MYBPHL: variants seen among roughly 807,000 people sequenced by gnomAD.
MYBPHL encodes myosin-binding protein H-like.
In MYBPHL, 32 loss-of-function variants were observed where a neutral mutation model predicts 39.5. The ratio of observed to expected loss-of-function variants is 0.81; its 90% CI spans 0.61 to 1.09. The LOEUF is 1.09. Among genes scored for constraint, MYBPHL ranks in the 50% least tolerant of loss-of-function variants. The pLI, the probability that MYBPHL is intolerant of heterozygous loss-of-function variation, is 0.00. For synonymous variants in MYBPHL, 196 were observed against 183.7 expected (o/e 1.07, Z -0.54); for missense variants, 456 against 460.2 (o/e 0.99, Z 0.08).
chr1:109,305,234 C>T (rs984551814), intron 1 of MYBPHL, among the ~76,000 whole-genome samples: 7 of 152,212 alleles, frequency 4.6e-5, no homozygotes, highest in Admixed American at 3.9e-4. Context: ...AGTGGATTGA[C>T]TTGCCTAGGG....
At position 109,306,380 on chromosome 1, in the gene MYBPHL, G is replaced by A. The variant is rs112728780; in HGVS notation, c.145+467C>T. 7.9e-3 allele frequency among the ~76,000 whole-genome samples: 1,199 copies of A among 152,200 alleles called. 7 individuals carry two copies. The highest frequency in any genetic ancestry group is 0.013 in the South Asian group (61 of 4,824). On this transcript the variant is annotated intron_variant, in intron 1 of 8. Transcript: ENST00000357155. ...GGGGATTGGAGGAGGTCCTGACCCC[G>A]TGGTACTGCCCAGCAGGAGGCCGAG... is the stretch of plus-strand genomic sequence containing the variant.
Position 109,297,157 on chromosome 1 carries a change from C to T in MYBPHL, c.463G>A (p.Val155Met). 6.2e-7 allele frequency: 1 copy of T among 1,614,208 alleles called. No individual in the cohort carries two copies. The highest frequency in any genetic ancestry group is 8.5e-7 in the Non-Finnish European group (1 of 1,180,030). Residue 155 changes from valine (V) to methionine (M), a missense_variant, in exon 4 of 9, where the codon GTG becomes ATG. Val to Met is a conservative substitution (Grantham distance 21). Coordinates refer to ENST00000357155, the MANE Select transcript of MYBPHL (RefSeq NM_001010985.3). ...RPGPPQSIKL[V>M]DVWGFSATLE... The stretch of plus-strand genomic sequence containing the variant: ...GTAGCGCTGAAGCCCCAAACGTCCA[C>T]CAGCTTAATACTCTGAGGAGGGCCT...
rs755163694 is a variant in MYBPHL at position 109,297,557 on chromosome 1, C to G, written c.295G>C (p.Val99Leu). The change falls in exon 3 of 9, where the codon GTG (valine) becomes CTG (leucine). Residue 99 changes from valine to leucine, a missense_variant. Physicochemically the swap from Val to Leu is conservative, Grantham distance 32. Coordinates refer to ENST00000357155, the MANE Select transcript of MYBPHL (RefSeq NM_001010985.3). ...TCTTGCTCCCCATTCCGCACACTCA[C>G]ACGCCTGGTGTCCAAGGCACAGCCA... ...HDGCALDTRR[V>L]SVRNGEQDSI... 1 of 1,613,942 alleles carries G rather than the reference C, an allele frequency of 6.2e-7. No individual in the cohort carries two copies. The highest frequency in any genetic ancestry group is 1.7e-5 in the Admixed American group (1 of 60,022).
At chr1:109,295,692 T>C (rs1016797968) in intron 6 of MYBPHL, among the ~76,000 whole-genome samples, 2 of 152,246 alleles carry the variant, frequency 1.3e-5, no homozygotes, top group Non-Finnish European at 2.9e-5. Context: ...GAGTAGCTTC[T>C]AGAGTGGGCT....
chr1:109,296,949 G>C lies in MYBPHL; in HGVS notation c.571-7C>G. 1 of 1,614,026 alleles carries C rather than the reference G, an allele frequency of 6.2e-7. No individual in the cohort carries two copies. The highest frequency in any genetic ancestry group is 8.5e-7 in the Non-Finnish European group (1 of 1,179,948). On this transcript the variant is annotated splice_polypyrimidine_tract_variant and splice_region_variant and intron_variant, in intron 4 of 8. Coordinates refer to ENST00000357155, the MANE Select transcript of MYBPHL (RefSeq NM_001010985.3). ...CCAGCACCGTGAACCACAGCTGCGGGGCCGAACATGATGCCAGAAATCAGC... is the reference window on the plus strand; with the variant it reads ...CCAGCACCGTGAACCACAGCTGCGGCGCCGAACATGATGCCAGAAATCAGC...
At chr1:109,301,447 A>C (rs1658274552) in intron 1 of MYBPHL, among the ~76,000 whole-genome samples, 1 of 152,166 alleles carries the variant, frequency 6.6e-6, no homozygotes, top group South Asian at 2.1e-4. Context: ...ATTCTTAGAG[A>C]AAACTACTTC....
At chr1:109,296,139 GATGTT>G (rs1257102137) in intron 6 of MYBPHL, 90 bp downstream of exon 6, 66 of 1,448,196 alleles carry the variant, frequency 4.6e-5, no homozygotes, top group Non-Finnish European at 6.1e-5. Flanking sequence ...GATGGTAACA[GATGTT>G]ATGTTACAGT....
At chr1:109,301,895 C>T (rs543726645) in intron 1 of MYBPHL, among the ~76,000 whole-genome samples, 1 of 152,314 alleles carries the variant, frequency 6.6e-6, no homozygotes, top group Admixed American at 6.5e-5. Context: ...TCTCATAATT[C>T]CCTTTTATGG....
Position 109,298,178 on chromosome 1 carries a change from G to T in MYBPHL, c.225C>A (p.Ile75=). The change falls in exon 2 of 9, where the codon ATC becomes ATA. Residue 75 remains isoleucine (I), a synonymous_variant. Coordinates refer to ENST00000357155, the MANE Select transcript of MYBPHL (RefSeq NM_001010985.3). ...RKVGDTVNLL[I]PFQGKPKPQA... The stretch of plus-strand genomic sequence containing the variant: ...GGGCTGGCATGATCACCTGGAATGG[G>T]ATTAGTAGGTTCACTGTGTCCCCAA... The T allele has an allele frequency of 6.2e-7, 1 of 1,609,186 alleles. No individual in the cohort carries two copies. Among genetic ancestry groups the T allele is most frequent in the South Asian group, 1.1e-5 (1 of 90,064 alleles).
Position 109,298,218 on chromosome 1 carries a change from G to A in MYBPHL, c.185C>T (p.Thr62Ile), listed in dbSNP as rs1658157588. 1.2e-6 allele frequency: 2 copies of A among 1,610,300 alleles called. No homozygotes were observed. The highest frequency in any genetic ancestry group is 1.3e-5 in the African/African-American group (1 of 74,666). Residue 62 changes from threonine (T) to isoleucine (I), a missense_variant, in exon 2 of 9, where the codon ACC becomes ATC. Transcript: ENST00000357155. ...KIWLPRALRQ[T>I]YIRKVGDTVN... ...TGTGTCCCCAACCTTCCGGATGTAG[G>A]TCTGCCTCAGGGCCCGAGGTAGCCA...
rs552582608 is a variant in MYBPHL, at chr1:109,297,690, G to A, written c.235-73C>T. ...CTCTCCCTGCTGCTGTAGGGGTCCT[G>A]TCCACCCCAGGTCCACAGGGAGGCT... is the stretch of plus-strand genomic sequence containing the variant. On this transcript the variant is annotated intron_variant, in intron 2 of 8. Transcript: ENST00000357155. 7.2e-5 allele frequency: 98 copies of A among 1,364,182 alleles called. 1 individual carries two copies. In the South Asian group the frequency reaches 1.3e-3, roughly 18 times the overall value. 84.5% of individuals were successfully genotyped at this position (1,364,182 alleles called of 1,614,324 possible). A position where few individuals can be genotyped will look rare whatever the true frequency, so the allele number is the denominator to read the frequency against.
chr1:109,296,688 C>T (rs1162127517), intron 5 of MYBPHL, 95 bp downstream of exon 5: 5 of 1,460,580 alleles, frequency 3.4e-6, no homozygotes, highest in Middle Eastern at 1.8e-4. Context: ...ATCCGCCTGC[C>T]TTGGCCTCCC....
intron 1 of MYBPHL, among the ~76,000 whole-genome samples, chr1:109,298,928 T>C (rs1658184451): frequency 6.6e-6 from 1 of 152,194 alleles, no homozygotes; most frequent in African/African-American, 2.4e-5. Flanking sequence ...TCATTTCCCT[T>C]TGATCTCACA....
At chr1:109,296,150 A>G in intron 6 of MYBPHL, 84 bp downstream of exon 6, 1 of 1,527,490 alleles carries the variant, frequency 6.5e-7, no homozygotes, top group Non-Finnish European at 8.9e-7. Context: ...ATGTTATGTT[A>G]CAGTGCTCTG....
At chr1:109,298,626 C>T (rs1184635414) in intron 1 of MYBPHL, among the ~76,000 whole-genome samples, 2 of 152,088 alleles carry the variant, frequency 1.3e-5, no homozygotes, top group African/African-American at 2.4e-5. Context: ...TCTTTCCACC[C>T]TTTTCTACAT....
At chr1:109,297,694 A>G in intron 2 of MYBPHL, 77 bp from the exon 3 acceptor site, 1 of 1,339,828 alleles carries the variant, frequency 7.5e-7, no homozygotes, top group East Asian at 2.5e-5. Context: ...GGTCCTGTCC[A>G]CCCCAGGTCC....
intron 1 of MYBPHL, among the ~76,000 whole-genome samples, chr1:109,298,633 A>G (rs1658173799): frequency 6.6e-6 from 1 of 151,862 alleles, no homozygotes; most frequent in African/African-American, 2.4e-5. Context: ...ACCCTTTTCT[A>G]CATTTGTCCT....
chr1:109,304,418 T>C (rs1171450556), intron 1 of MYBPHL, among the ~76,000 whole-genome samples: 1 of 152,174 alleles, frequency 6.6e-6, no homozygotes, highest in African/African-American at 2.4e-5. Context: ...GTTGGAGCGA[T>C]GATGCTGAAG....
chr1:109,297,013 C>T, intron 4 of MYBPHL, 37 bp downstream of exon 4: 1 of 1,614,010 alleles, frequency 6.2e-7, no homozygotes, highest in Non-Finnish European at 8.5e-7. Context: ...TCCCAACATG[C>T]CCTCTTCCAC....
Sources: gnomAD v4.1 joint callset for allele counts (sites outside exome capture counted in the v4.1 genomes callset) on GRCh38, gnomAD v4.1.1 for gene constraint, MANE v1.5 for transcripts, NCBI Gene and HGNC (gene_info 2026-07-23, HGNC 2026-07-21) for gene names.